The following PDZD2 variants were observed in gnomAD, a reference collection of about 807,000 sequenced individuals.
The protein encoded by PDZD2 is PDZ domain containing 2, also known as PDZ domain-containing protein 2.
In PDZD2, 90 loss-of-function variants were observed where a neutral mutation model predicts 220.7. The ratio of observed to expected loss-of-function variants is 0.41; its 90% confidence interval spans 0.34 to 0.49. The LOEUF (loss-of-function observed/expected upper bound fraction) is 0.49. Among genes scored for constraint, PDZD2 ranks in the 20% least tolerant of loss-of-function variants. The pLI, the probability that PDZD2 is intolerant of heterozygous loss-of-function variation, is 0.28. For synonymous variants in PDZD2, 1,375 were observed against 1,450.5 expected, an observed-to-expected ratio of 0.95 and a Z score of 1.18; for missense variants, 3,174 against 3,608.5, an observed-to-expected ratio of 0.88 and a Z score of 3.08.
chr5:32,017,686 C>T (rs1389969073), intron 6 of PDZD2, among the ~76,000 whole-genome samples: 1 of 152,122 alleles, frequency 6.6e-6, no homozygotes, highest in African/African-American at 2.4e-5. Flanking sequence ...AGATTTCTTC[C>T]TTTTTGTTTG....
intron 6 of PDZD2, among the ~76,000 whole-genome samples, chr5:32,011,299 G>T (rs556367916): frequency 6.6e-6 from 1 of 150,522 alleles, no homozygotes; most frequent in African/African-American, 2.5e-5. Flanking sequence ...GACCAGCCTG[G>T]CCAACATGAC....
chr5:31,923,450 C>T (rs1371537241), intron 2 of PDZD2: 10 of 1,102,708 alleles, frequency 9.1e-6, no homozygotes, highest in African/African-American at 6.2e-5. Flanking sequence ...TGGGCTTTAT[C>T]CCTCTTGTGA....
intron 2 of PDZD2, among the ~76,000 whole-genome samples, chr5:31,890,002 G>A (rs1418363917): frequency 3.3e-5 from 5 of 151,772 alleles, no homozygotes; most frequent in African/African-American, 9.7e-5. Context: ...CAGCCTGGGC[G>A]ACAGAGTGAG....
chr5:31,852,252 TA>T (rs1758100870), intron 2 of PDZD2, among the ~76,000 whole-genome samples: 1 of 152,140 alleles, frequency 6.6e-6, no homozygotes, highest in Non-Finnish European at 1.5e-5. Flanking sequence ...GCATTATACT[TA>T]AAACCATACA....
At chr5:31,688,566 G>T (rs1239096152) in intron 1 of PDZD2, among the ~76,000 whole-genome samples, 1 of 152,158 alleles carries the variant, frequency 6.6e-6, no homozygotes, top group Non-Finnish European at 1.5e-5. Context: ...GTGACTCAGG[G>T]TAGGTGACGG....
rs760191769 is a variant in PDZD2, at chr5:32,100,920, A to G, written c.8219-185A>G. 3 of 1,595,470 alleles carry G rather than the reference A, an allele frequency of 1.9e-6. No homozygotes were observed. The East Asian group carries it at 6.7e-5, about 36-fold the overall frequency. On this transcript the variant is annotated intron_variant, in intron 23 of 24. Coordinates refer to ENST00000438447, the MANE Select transcript of PDZD2 (RefSeq NM_178140.4). Reference sequence around the variant, plus strand: ...AACACAGCCAGGAGGGCAGCCCCAGAATTGGGAGGCCAACAGTGCTACTGG... The same window carrying G: ...AACACAGCCAGGAGGGCAGCCCCAGGATTGGGAGGCCAACAGTGCTACTGG...
At position 31,646,948 on chromosome 5, in the gene PDZD2, C is replaced by T. The variant is rs979104400; in HGVS notation, c.-361+7511C>T. 6.6e-5 allele frequency among the ~76,000 whole-genome samples: 10 copies of T among 152,184 alleles called. No individual in the cohort carries two copies. The highest frequency in any genetic ancestry group is 2.4e-4 in the African/African-American group (10 of 41,446). On this transcript the variant is annotated intron_variant, in intron 1 of 24. Coordinates refer to ENST00000438447, the MANE Select transcript of PDZD2 (RefSeq NM_178140.4). The surrounding 1 kb of genome is among the most constrained non-coding windows in gnomAD (Gnocchi z 4.7). ...GAGATGGCACAAGGAGAGGAAGGTA[C>T]TGGAAAGAATTGCATTAACTCCTCT...
At chr5:32,006,551 A>T (rs191594089) in intron 5 of PDZD2, among the ~76,000 whole-genome samples, 6 of 151,584 alleles carry the variant, frequency 4.0e-5, no homozygotes, top group Admixed American at 3.3e-4. Context: ...GATTTAAACA[A>T]TTTTTTGTAG....
chr5:31,713,602 G>A (rs1322533823), intron 1 of PDZD2, among the ~76,000 whole-genome samples: 3 of 152,174 alleles, frequency 2.0e-5, no homozygotes, highest in African/African-American at 7.2e-5. Flanking sequence ...GTGGTAATGA[G>A]TGAGTTCTTC....
intron 1 of PDZD2, among the ~76,000 whole-genome samples, chr5:31,683,749 A>G (rs1746741460): frequency 6.6e-6 from 1 of 152,112 alleles, no homozygotes; most frequent in Non-Finnish European, 1.5e-5. Flanking sequence ...CTAATTTTTT[A>G]CTGCAAAGAG....
At chr5:31,704,228 G>C (rs1298723703) in intron 1 of PDZD2, among the ~76,000 whole-genome samples, 1 of 152,130 alleles carries the variant, frequency 6.6e-6, no homozygotes, top group African/African-American at 2.4e-5. Flanking sequence ...GCCTAGGCTG[G>C]TTTCAAACTC....
chr5:32,006,720 C>T (rs1281202336), intron 5 of PDZD2, among the ~76,000 whole-genome samples: 11 of 137,120 alleles, frequency 8.0e-5, no homozygotes, highest in African/African-American at 1.1e-4. Flanking sequence ...GACAGAGTCT[C>T]GCTCTGTCAC....
chr5:31,731,579 G>A (rs1749540243), intron 1 of PDZD2, among the ~76,000 whole-genome samples: 1 of 152,102 alleles, frequency 6.6e-6, no homozygotes, highest in African/African-American at 2.4e-5. Flanking sequence ...ACAACCTTCT[G>A]TGTATTATTC....
chr5:32,002,965 CCAACA>C (rs1752374038), intron 5 of PDZD2, among the ~76,000 whole-genome samples: 2 of 121,846 alleles, frequency 1.6e-5, no homozygotes, highest in African/African-American at 3.1e-5. Flanking sequence ...CACACACACA[CCAACA>C]CACACACACC....
intron 5 of PDZD2, 50 bp from the exon 6 acceptor site, chr5:32,010,280 T>C: frequency 6.9e-7 from 1 of 1,450,274 alleles, no homozygotes; most frequent in South Asian, 1.3e-5. Flanking sequence ...CAAGAACTGC[T>C]TGGTTCTGGG....
intron 2 of PDZD2, among the ~76,000 whole-genome samples, chr5:31,982,572 G>A (rs1028397974): frequency 3.3e-5 from 5 of 152,162 alleles, no homozygotes; most frequent in African/African-American, 4.8e-5. Context: ...CTCCCAAAGC[G>A]CTGGATTACA....
At chr5:31,932,274 T>C (rs13175474) in intron 2 of PDZD2, among the ~76,000 whole-genome samples, 24,755 of 152,124 alleles carry the variant, frequency 0.16, 2,105 homozygotes, top group South Asian at 0.25. Context: ...CCAAACCGGG[T>C]GCAGTGGCTC....
At chr5:31,724,445 T>C (rs1748997711) in intron 1 of PDZD2, among the ~76,000 whole-genome samples, 1 of 151,972 alleles carries the variant, frequency 6.6e-6, no homozygotes, top group South Asian at 2.1e-4. Context: ...CTACTAAAAA[T>C]ACAAAAATTG....
chr5:31,850,145 A>AGT (rs1757938322), intron 2 of PDZD2, among the ~76,000 whole-genome samples: 1 of 92,826 alleles, frequency 1.1e-5, no homozygotes, highest in Non-Finnish European at 2.0e-5. Flanking sequence ...TATATATATA[A>AGT]GTATATATGT....
Sources: gnomAD v4.1 joint callset for allele counts (sites outside exome capture counted in the v4.1 genomes callset) on GRCh38, gnomAD v4.1.1 for gene constraint, Gnocchi (gnomAD v3.1) non-coding constraint, MANE v1.5 for transcripts, NCBI Gene and HGNC (gene_info 2026-07-23, HGNC 2026-07-21) for gene names.